The following ANO3 variants were observed in gnomAD, a reference collection of about 807,000 sequenced individuals.
ANO3 encodes the protein anoctamin-3.
A neutral mutation model predicts 144.8 loss-of-function variants in ANO3; 99 were observed. The observed-to-expected ratio is 0.68, with a 90% CI of 0.58 to 0.81. The LOEUF is 0.81. Ranked by LOEUF, ANO3 falls within the 30% of genes least tolerant of loss-of-function variation. The probability of loss-of-function intolerance (pLI) is 0.00; values close to 1 mark genes in which losing one functional copy is unlikely to be tolerated. For missense variants in ANO3, 905 were observed against 1,202.2 expected, an observed-to-expected ratio of 0.75 and a Z score of 3.66; for synonymous variants, 414 against 392.6, an observed-to-expected ratio of 1.05 and a Z score of -0.64.
chr11:26,313,175 T>C (rs1854540733), intron 1 of ANO3, among the ~76,000 whole-genome samples: 1 of 152,174 alleles, frequency 6.6e-6, no homozygotes, highest in African/African-American at 2.4e-5. Flanking sequence ...GTACAAAATA[T>C]GTTCAATAGA....
chr11:26,421,196 T>C (rs1857741993), intron 1 of ANO3, among the ~76,000 whole-genome samples: 1 of 152,060 alleles, frequency 6.6e-6, no homozygotes, highest in African/African-American at 2.4e-5. Flanking sequence ...ACTTGGTAAT[T>C]TGTAGGCACG....
chr11:26,214,494 C>G (rs11029395), intron 1 of ANO3, among the ~76,000 whole-genome samples: 1 of 151,914 alleles, frequency 6.6e-6, no homozygotes, highest in South Asian at 2.1e-4. Context: ...TGGACATGTA[C>G]GGCTGAATTC....
At chr11:26,361,513 T>G (rs1855924667) in intron 1 of ANO3, among the ~76,000 whole-genome samples, 1 of 152,212 alleles carries the variant, frequency 6.6e-6, no homozygotes, top group Non-Finnish European at 1.5e-5. Context: ...TATGCTTCCC[T>G]CTTATGAGTC....
intron 5 of ANO3, among the ~76,000 whole-genome samples, chr11:26,516,583 A>T (rs554272467): frequency 1.1e-4 from 17 of 152,082 alleles, no homozygotes; most frequent in African/African-American, 4.1e-4. Flanking sequence ...GTTGAAAATC[A>T]TCAATGTAAG....
chr11:26,590,984 A>T (rs1851433514), intron 14 of ANO3, among the ~76,000 whole-genome samples: 1 of 152,148 alleles, frequency 6.6e-6, no homozygotes. Context: ...TATATCCCGA[A>T]TATTGTCCCT....
At chr11:26,369,662 A>G (rs1564987222) in intron 1 of ANO3, among the ~76,000 whole-genome samples, 5 of 152,318 alleles carry the variant, frequency 3.3e-5, no homozygotes, top group Non-Finnish European at 1.5e-5. Context: ...CCAACAAATT[A>G]AATACTCAAC....
chr11:26,289,806 G>A (rs1053860322), intron 1 of ANO3, among the ~76,000 whole-genome samples: 3 of 149,358 alleles, frequency 2.0e-5, no homozygotes, highest in African/African-American at 7.3e-5. Flanking sequence ...ATATGTGTGT[G>A]TATATATGTA....
chr11:26,572,629 T>C (rs556835646), intron 14 of ANO3, among the ~76,000 whole-genome samples: 1 of 152,140 alleles, frequency 6.6e-6, no homozygotes, highest in Non-Finnish European at 1.5e-5. Flanking sequence ...GTAGAGAAAA[T>C]GTAGTGGGGT....
At chr11:26,381,405 A>G (rs1438795332) in intron 1 of ANO3, among the ~76,000 whole-genome samples, 1 of 152,152 alleles carries the variant, frequency 6.6e-6, no homozygotes, top group Non-Finnish European at 1.5e-5. Flanking sequence ...ATCATCAGTT[A>G]GGCCTCAGTT....
At chr11:26,516,066 C>G (rs1037827615) in intron 5 of ANO3, among the ~76,000 whole-genome samples, 1 of 151,750 alleles carries the variant, frequency 6.6e-6, no homozygotes, top group Admixed American at 6.6e-5. Context: ...CGTGATGATT[C>G]TCTTATTCAA....
intron 7 of ANO3, among the ~76,000 whole-genome samples, chr11:26,529,603 A>G (rs1436426047): frequency 6.8e-6 from 1 of 147,954 alleles, no homozygotes; most frequent in Non-Finnish European, 1.5e-5. Flanking sequence ...GGTGTGTTAT[A>G]TTTAACACTC....
chr11:26,366,237 A>C (rs937365845), intron 1 of ANO3, among the ~76,000 whole-genome samples: 8 of 152,004 alleles, frequency 5.3e-5, no homozygotes, highest in African/African-American at 1.7e-4. Flanking sequence ...GAATGAGAAC[A>C]TGCGGTGTTT....
intron 1 of ANO3, among the ~76,000 whole-genome samples, chr11:26,389,855 G>A (rs1373902797): frequency 2.0e-5 from 3 of 152,028 alleles, no homozygotes; most frequent in Non-Finnish European, 1.5e-5. Flanking sequence ...TTTAAAAGAA[G>A]TTTACAATAA....
intron 1 of ANO3, among the ~76,000 whole-genome samples, chr11:26,232,260 A>C (rs1434101007): frequency 4.6e-5 from 7 of 152,180 alleles, no homozygotes; most frequent in African/African-American, 1.7e-4. Context: ...AGAATGGAGA[A>C]GGAGTGGGTG....
intron 1 of ANO3, among the ~76,000 whole-genome samples, chr11:26,416,136 A>T (rs1010397140): frequency 6.6e-6 from 1 of 152,070 alleles, no homozygotes; most frequent in East Asian, 1.9e-4. Context: ...TCTAAACTTT[A>T]TTCTCCTTCT....
intron 1 of ANO3, among the ~76,000 whole-genome samples, chr11:26,236,819 A>AAG (rs1852540473): frequency 1.3e-5 from 1 of 75,392 alleles, no homozygotes; most frequent in South Asian, 4.2e-4. Flanking sequence ...CTCCGTCTCA[A>AAG]AAAAAAAAAA....
chr11:26,553,561 T>A (rs1227517929), intron 13 of ANO3, among the ~76,000 whole-genome samples: 1 of 152,210 alleles, frequency 6.6e-6, no homozygotes, highest in East Asian at 1.9e-4. Context: ...TTTTTATAAC[T>A]GATTTTTGCC....
intron 5 of ANO3, among the ~76,000 whole-genome samples, chr11:26,512,098 C>T (rs1861686607): frequency 6.6e-6 from 1 of 152,086 alleles, no homozygotes; most frequent in Non-Finnish European, 1.5e-5. Flanking sequence ...ATTTGAAGAA[C>T]AAGACTGGAT....
Position 26,660,545 on chromosome 11 carries a change from C to T in ANO3, c.*101C>T. 9.5e-7 allele frequency: 1 copy of T among 1,054,312 alleles called. No homozygotes were observed. The highest frequency in any genetic ancestry group is 1.7e-5 in the South Asian group (1 of 58,630). 65.3% of individuals were successfully genotyped at this position (1,054,312 alleles called of 1,614,324 possible). A position where few individuals can be genotyped will look rare whatever the true frequency, so the allele number is the denominator to read the frequency against. Reference sequence around the variant, plus strand: ...CTAGGAGGAAGGCATACTTGGCAAACCACATGTATAATATGCTACTTGGAA... The same window carrying T: ...CTAGGAGGAAGGCATACTTGGCAAATCACATGTATAATATGCTACTTGGAA... On this transcript the variant is annotated 3_prime_UTR_variant, in exon 27 of 27. Coordinates refer to ENST00000256737, the MANE Select transcript of ANO3 (RefSeq NM_031418.4).
Sources: allele counts gnomAD v4.1 joint callset (sites outside exome capture counted in the v4.1 genomes callset), GRCh38; gene constraint gnomAD v4.1.1; transcripts MANE v1.5; gene names NCBI Gene and HGNC (gene_info 2026-07-23, HGNC 2026-07-21).